The following ADAMTS15 variants were observed in gnomAD, a reference collection of about 807,000 sequenced individuals.
ADAMTS15 encodes A disintegrin and metalloproteinase with thrombospondin motifs 15.
ADAMTS15 carries 35 observed loss-of-function variants against 79.1 expected under a neutral mutation model. That is an observed-to-expected ratio of 0.44 (90% CI 0.34 to 0.59). The LOEUF (loss-of-function observed/expected upper bound fraction) is 0.59. Among genes scored for constraint, ADAMTS15 ranks in the 20% least tolerant of loss-of-function variants. The pLI is 0.02. For synonymous variants in ADAMTS15, 616 were observed against 567.3 expected (o/e 1.09, Z -1.22); for missense variants, 1,324 against 1,318.7 (o/e 1.00, Z -0.06).
chr11:130,461,942 G>A, intron 2 of ADAMTS15, 145 bp from the exon 3 acceptor site: 3 of 979,516 alleles, frequency 3.1e-6, no homozygotes, highest in Non-Finnish European at 4.5e-6. Context: ...TGATCTTGAG[G>A]ACATTTGAAA....
rs1938573804 is a variant in ADAMTS15, at chr11:130,475,857, GTGGCATGGGGTCTGTGCGGGA to G, written c.*2042_*2062del. On this transcript the variant is annotated 3_prime_UTR_variant, in exon 8 of 8. Transcript: ENST00000299164. The stretch of plus-strand genomic sequence containing the variant: ...GCACTCCCTCCTTCAGGAGGAGAGG[GTGGCATGGGGTCTGTGCGGGA>G]TGGCAGGGGGATTGGGTGGGTGGGA... The G allele has an allele frequency of 1.3e-5, 2 of 151,538 alleles. No individual in the cohort carries two copies. The highest frequency in any genetic ancestry group is 2.9e-5 in the Non-Finnish European group (2 of 67,924). 9.4% of individuals were successfully genotyped at this position (151,538 alleles called of 1,614,324 possible). A position where few individuals can be genotyped will look rare whatever the true frequency, so the allele number is the denominator to read the frequency against.
rs145693007 is a variant in ADAMTS15 at position 130,469,764 on chromosome 11, A to G, written c.1720+325A>G. Reference sequence around the variant, plus strand: ...TGGATCAGGGGAATGATACACTAGAAGTCCTCTTATCTGAGGCCTGCCCAG... The same window carrying G: ...TGGATCAGGGGAATGATACACTAGAGGTCCTCTTATCTGAGGCCTGCCCAG... On this transcript the variant is annotated intron_variant, in intron 5 of 7. Transcript: ENST00000299164. Among the ~76,000 whole-genome samples the G allele has an allele frequency of 1.5e-3, 222 of 152,226 alleles. 1 individual carries two copies. The highest frequency in any genetic ancestry group is 5.0e-3 in the African/African-American group (206 of 41,536).
At chr11:130,454,443 C>T (rs1046535450) in intron 1 of ADAMTS15, among the ~76,000 whole-genome samples, 1 of 152,200 alleles carries the variant, frequency 6.6e-6, no homozygotes, top group Non-Finnish European at 1.5e-5. Context: ...TGATAAAGCA[C>T]TTGTCATAGG....
At chr11:130,470,168 A>ATACG (rs1555081040) in intron 5 of ADAMTS15, among the ~76,000 whole-genome samples, 21 of 58,684 alleles carry the variant, frequency 3.6e-4, no homozygotes, top group Non-Finnish European at 5.5e-4. Context: ...ATATATATAT[A>ATACG]TATATATATA....
At chr11:130,471,147 C>CG in intron 6 of ADAMTS15, 46 bp downstream of exon 6, 1 of 1,593,034 alleles carries the variant, frequency 6.3e-7, no homozygotes, top group Admixed American at 1.7e-5. Flanking sequence ...CCAGGTCTTC[C>CG]GGGGAGCATC....
Position 130,473,206 on chromosome 11 carries a change from G to A in ADAMTS15, c.2238G>A (p.Val746=). The A allele has an allele frequency of 1.9e-6, 3 of 1,614,032 alleles. No individual in the cohort carries two copies. Among genetic ancestry groups the A allele is most frequent in the Non-Finnish European group, 2.5e-6 (3 of 1,180,048 alleles). Residue 746 remains valine, a synonymous_variant, in exon 8 of 8, where the codon GTG becomes GTA. Coordinates refer to ENST00000299164, the MANE Select transcript of ADAMTS15 (RefSeq NM_139055.4). ...LLNGHFVVSA[V]ERDLVVKGSL... ...ACGGGCATTTCGTGGTGTCGGCGGTGGAGCGGGACCTGGTGGTGAAGGGCA... is the reference window on the plus strand; with the variant it reads ...ACGGGCATTTCGTGGTGTCGGCGGTAGAGCGGGACCTGGTGGTGAAGGGCA...
intron 4 of ADAMTS15, among the ~76,000 whole-genome samples, chr11:130,463,381 CAA>C (rs966546888): frequency 3.3e-5 from 5 of 152,194 alleles, no homozygotes; most frequent in African/African-American, 1.2e-4. Flanking sequence ...AGCAACCAAA[CAA>C]GAACACATTC....
Position 130,449,488 on chromosome 11 carries a change from C to T in ADAMTS15, c.515C>T (p.Ser172Phe), listed in dbSNP as rs1165241565. The change falls in exon 1 of 8, where the codon TCT becomes TTT. Residue 172 changes from serine to phenylalanine, a missense_variant. Physicochemically the swap from Ser to Phe is radical, Grantham distance 155. Coordinates refer to ENST00000299164, the MANE Select transcript of ADAMTS15 (RefSeq NM_139055.4). The surrounding 1 kb of genome is among the most constrained non-coding windows in gnomAD (Gnocchi z 7.8). ...VPGGPSGDPT[S>F]RCGVASGWNP... ...GGCGGGCCTTCCGGAGACCCCACCT[C>T]TCGCTGCGGGGTGGCCTCGGGCTGG... 1.3e-6 allele frequency: 2 copies of T among 1,559,416 alleles called. No individual in the cohort carries two copies. Among genetic ancestry groups the T allele is most frequent in the South Asian group, 1.2e-5 (1 of 83,328 alleles).
chr11:130,460,483 G>A (rs1277970420), intron 1 of ADAMTS15, among the ~76,000 whole-genome samples: 1 of 152,032 alleles, frequency 6.6e-6, no homozygotes, highest in Non-Finnish European at 1.5e-5. Context: ...CGCCATGTTG[G>A]CCAGGCTGGT....
At position 130,473,616 on chromosome 11, in the gene ADAMTS15, G is replaced by A. The variant is rs746324771; in HGVS notation, c.2648G>A (p.Arg883Gln). 1.3e-5 allele frequency: 21 copies of A among 1,609,626 alleles called. No homozygotes were observed. The highest frequency in any genetic ancestry group is 1.5e-5 in the Non-Finnish European group (18 of 1,179,628). ...RTVPACDAAHRPVETQACGEP... is the reference protein window; with the variant it reads ...RTVPACDAAHQPVETQACGEP... ...GTCCCTGCCTGTGATGCAGCCCATC[G>A]GCCCGTGGAGACACAAGCCTGCGGG... The change falls in exon 8 of 8, where the codon CGG becomes CAG. Residue 883 changes from arginine to glutamine, a missense_variant. By Grantham distance (43) the Arg-to-Gln change is conservative. Coordinates refer to ENST00000299164, the MANE Select transcript of ADAMTS15 (RefSeq NM_139055.4).
chr11:130,469,606 C>A (rs1455231598), intron 5 of ADAMTS15, among the ~76,000 whole-genome samples, 167 bp downstream of exon 5: 1 of 152,188 alleles, frequency 6.6e-6, no homozygotes, highest in Non-Finnish European at 1.5e-5. Context: ...GACAAAGGGA[C>A]TGCAGTCAGG....
intron 4 of ADAMTS15, among the ~76,000 whole-genome samples, chr11:130,468,492 G>A (rs547094344): frequency 6.6e-5 from 10 of 151,996 alleles, no homozygotes; most frequent in South Asian, 6.2e-4. Context: ...AAGGCCGGGC[G>A]CGGTGGCTCA....
intron 5 of ADAMTS15, among the ~76,000 whole-genome samples, chr11:130,470,160 A>ATATATATATGTATG (rs1565397669): frequency 5.2e-5 from 3 of 57,312 alleles, no homozygotes; most frequent in South Asian, 4.6e-4. Context: ...ATGTGTATAT[A>ATATATATATGTATG]TATATATATA....
chr11:130,455,081 C>A (rs1938048924), intron 1 of ADAMTS15, among the ~76,000 whole-genome samples: 1 of 152,094 alleles, frequency 6.6e-6, no homozygotes, highest in Non-Finnish European at 1.5e-5. Context: ...ATGGACATTG[C>A]GTGAGTCAGC....
chr11:130,456,474 C>T (rs1369788938), intron 1 of ADAMTS15, among the ~76,000 whole-genome samples: 1 of 152,220 alleles, frequency 6.6e-6, no homozygotes, highest in African/African-American at 2.4e-5. Flanking sequence ...TGCCAAGGCA[C>T]TGAATTGCTA....
At position 130,449,357 on chromosome 11, in the gene ADAMTS15, C is replaced by G; in HGVS notation, c.384C>G (p.Gly128=). The G allele has an allele frequency of 6.2e-7, 1 of 1,606,578 alleles. No individual in the cohort carries two copies. The highest frequency in any genetic ancestry group is 2.2e-5 in the East Asian group (1 of 44,844). ...SLCGGLRGAF[G]YRGAEYVISP... The stretch of plus-strand genomic sequence containing the variant: ...GCGGGGGGCTCCGCGGAGCCTTTGG[C>G]TACCGAGGCGCCGAGTATGTCATTA... The change falls in exon 1 of 8, where the codon GGC becomes GGG. Residue 128 remains glycine (G), a synonymous_variant. Transcript: ENST00000299164. This position sits in a 1 kb window ranked among gnomAD's most constrained non-coding sequence, Gnocchi z 7.8.
Position 130,473,368 on chromosome 11 carries a change from G to A in ADAMTS15, c.2400G>A (p.Leu800=). Residue 800 remains leucine (L), a synonymous_variant, in exon 8 of 8, where the codon CTG becomes CTA. Coordinates refer to ENST00000299164, the MANE Select transcript of ADAMTS15 (RefSeq NM_139055.4). ...CCCGGGTCCGCTACTCCTTCTATCT[G>A]CCCAAAGAGCCTCGGGAGGACAAGT... ...TPPRVRYSFY[L]PKEPREDKSS... 6.2e-7 allele frequency: 1 copy of A among 1,612,818 alleles called. No individual in the cohort carries two copies. The highest frequency in any genetic ancestry group is 8.5e-7 in the Non-Finnish European group (1 of 1,179,990).
Position 130,471,054 on chromosome 11 carries a change from A to G in ADAMTS15, c.1855A>G (p.Ile619Val). The change falls in exon 6 of 8, where the codon ATC becomes GTC. Residue 619 changes from isoleucine to valine, a missense_variant. Ile to Val is a conservative substitution (Grantham distance 29, BLOSUM62 3). Coordinates refer to ENST00000299164, the MANE Select transcript of ADAMTS15 (RefSeq NM_139055.4). ...GVSPRDKCKL[I>V]CRANGTGYFY... is the part of the protein sequence containing the mutation. ...GTCTCCCCGGGACAAGTGCAAGCTC[A>G]TCTGCCGAGCCAATGGCACTGGCTA... The G allele has an allele frequency of 6.2e-7, 1 of 1,613,220 alleles. No individual in the cohort carries two copies. Among genetic ancestry groups the G allele is most frequent in the Non-Finnish European group, 8.5e-7 (1 of 1,179,412 alleles).
rs1937915850 is a variant in ADAMTS15 at position 130,449,544 on chromosome 11, T to A, written c.571T>A (p.Tyr191Asn). Residue 191 changes from tyrosine to asparagine, a missense_variant, in exon 1 of 8, where the codon TAC becomes AAC. By Grantham distance (143) the Tyr-to-Asn change is moderately radical. Coordinates refer to ENST00000299164, the MANE Select transcript of ADAMTS15 (RefSeq NM_139055.4). This position sits in a 1 kb window ranked among gnomAD's most constrained non-coding sequence, Gnocchi z 7.8. The part of the protein sequence containing the change: ...NPAILRALDP[Y>N]KPRRAGFGES... ...CGCCATCCTACGGGCCCTGGACCCT[T>A]ACAAGCCGCGGCGGGCGGGCTTCGG... 1 of 1,578,700 alleles carries A rather than the reference T, an allele frequency of 6.3e-7. No homozygotes were observed. Among genetic ancestry groups the A allele is most frequent in the African/African-American group, 1.3e-5 (1 of 74,596 alleles).
Sources: gnomAD v4.1 joint callset for allele counts (sites outside exome capture counted in the v4.1 genomes callset) on GRCh38, gnomAD v4.1.1 for gene constraint, Gnocchi (gnomAD v3.1) non-coding constraint, MANE v1.5 for transcripts, NCBI Gene and HGNC (gene_info 2026-07-23, HGNC 2026-07-21) for gene names.